Variants in PHC2 observed in about 807,000 individuals in gnomAD.
The protein encoded by PHC2 is polyhomeotic homolog 2, also known as polyhomeotic-like protein 2.
A neutral mutation model predicts 87.4 loss-of-function variants in PHC2; 29 were observed. The ratio of observed to expected loss-of-function variants is 0.33; its 90% confidence interval spans 0.25 to 0.45. The LOEUF (loss-of-function observed/expected upper bound fraction) is 0.45, where lower values mean the gene tolerates loss of function less well. PHC2 is among the 20% of genes least tolerant of loss of function. PHC2 has a pLI of 1.00. For synonymous variants in PHC2, 438 were observed against 461.7 expected (o/e 0.95, Z 0.66); for missense variants, 857 against 1,136.7 (o/e 0.75, Z 3.54).
chr1:33,392,519 T>A (rs1172461062), intron 1 of PHC2, among the ~76,000 whole-genome samples: 1 of 152,202 alleles, frequency 6.6e-6, no homozygotes. Context: ...AAATACTACC[T>A]CTTGCTTCTA....
At chr1:33,371,617 C>T (rs986520354) in intron 3 of PHC2, among the ~76,000 whole-genome samples, 1 of 152,250 alleles carries the variant, frequency 6.6e-6, no homozygotes, top group Non-Finnish European at 1.5e-5. Context: ...GCCGGCTTCT[C>T]ATCCTTCAAG....
Position 33,368,717 on chromosome 1 carries a change from T to G in PHC2, c.577-95A>C. On this transcript the variant is annotated intron_variant, in intron 5 of 14. Coordinates refer to ENST00000683057, the MANE Select transcript of PHC2 (RefSeq NM_001385109.1). The surrounding 1 kb of genome is among the most constrained non-coding windows in gnomAD (Gnocchi z 6.6). ...GAATCACAGGAAACGAGGCGCCTTT[T>G]ACCTGCTCGATGTGGACTCAGCCAC... 1.2e-6 allele frequency: 1 copy of G among 865,022 alleles called. No individual in the cohort carries two copies. Among genetic ancestry groups the G allele is most frequent in the Non-Finnish European group, 1.9e-6 (1 of 524,628 alleles). 53.6% of individuals were successfully genotyped at this position (865,022 alleles called of 1,614,324 possible).
chr1:33,368,490 CA>C lies in PHC2; in HGVS notation c.663+45del. On this transcript the variant is annotated intron_variant, in intron 6 of 14. Transcript: ENST00000683057. The surrounding 1 kb of genome is among the most constrained non-coding windows in gnomAD (Gnocchi z 6.6). ...CCTCCCCAGTATCAGTGCCCCTCTA[CA>C]GGGGTGCCCACCCCCCTGCCCTCCC... is the stretch of plus-strand genomic sequence containing the variant. The C allele has an allele frequency of 9.5e-7, 1 of 1,048,814 alleles. No homozygotes were observed. Among genetic ancestry groups the C allele is most frequent in the Non-Finnish European group, 1.4e-6 (1 of 719,466 alleles). 65.0% of individuals were successfully genotyped at this position (1,048,814 alleles called of 1,614,324 possible). A position where few individuals can be genotyped will look rare whatever the true frequency, so the allele number is the denominator to read the frequency against.
At chr1:33,411,321 T>C (rs796290075) in intron 1 of PHC2, among the ~76,000 whole-genome samples, 12 of 152,298 alleles carry the variant, frequency 7.9e-5, no homozygotes, top group African/African-American at 2.9e-4. Flanking sequence ...CTGTTGATTA[T>C]TATATCATTA....
chr1:33,334,058 A>G lies in PHC2; in HGVS notation c.1761+32T>C. The G allele has an allele frequency of 8.8e-7, 1 of 1,140,398 alleles. No individual in the cohort carries two copies. Among genetic ancestry groups the G allele is most frequent in the Non-Finnish European group, 1.2e-6 (1 of 816,684 alleles). The allele number at this position is 1,140,398 out of a possible 1,614,324, so 70.6% of individuals were successfully genotyped here. A position where few individuals can be genotyped will look rare whatever the true frequency, so the allele number is the denominator to read the frequency against. ...TCTAAGACACATCCAAAATATACTT[A>G]AAAAAAAAAGGGGAAAAGAAGTAGT... On this transcript the variant is annotated intron_variant, in intron 10 of 14. Transcript: ENST00000683057. This position sits in a 1 kb window ranked among gnomAD's most constrained non-coding sequence, Gnocchi z 5.5.
Position 33,379,924 on chromosome 1 carries a change from C to G in PHC2, c.-54-4331G>C, listed in dbSNP as rs1014282293. Among the ~76,000 whole-genome samples the G allele has an allele frequency of 2.6e-5, 4 of 152,160 alleles. No homozygotes were observed. In the South Asian group the frequency reaches 8.3e-4, roughly 32 times the overall value. On this transcript the variant is annotated intron_variant, in intron 1 of 14. Coordinates refer to ENST00000683057, the MANE Select transcript of PHC2 (RefSeq NM_001385109.1). ...CACCCTTGCTGCACATGCTCCAGCT[C>G]TCTCTCCTGTCGCTTGTAGTCTCCC...
intron 1 of PHC2, among the ~76,000 whole-genome samples, chr1:33,412,927 G>A (rs542869217): frequency 6.6e-6 from 1 of 151,806 alleles, no homozygotes; most frequent in Admixed American, 6.6e-5. Flanking sequence ...TTATCATCAG[G>A]GACCTTACAT....
At chr1:33,343,267 C>T (rs1318681987) in intron 9 of PHC2, among the ~76,000 whole-genome samples, 1 of 151,682 alleles carries the variant, frequency 6.6e-6, no homozygotes, top group Non-Finnish European at 1.5e-5. Flanking sequence ...TTGAGACCAT[C>T]CTGGTCAACA....
chr1:33,364,009 C>T lies in PHC2; in HGVS notation c.976+3107G>A. 2.0e-6 allele frequency: 1 copy of T among 492,022 alleles called. No homozygotes were observed. Among genetic ancestry groups the T allele is most frequent in the South Asian group, 8.6e-5 (1 of 11,630 alleles). 30.5% of individuals were successfully genotyped at this position (492,022 alleles called of 1,614,324 possible). On this transcript the variant is annotated intron_variant, in intron 7 of 14. Transcript: ENST00000683057. The surrounding 1 kb of genome is among the most constrained non-coding windows in gnomAD (Gnocchi z 4.1). ...GCCCCTTACTCCCCTCCCCCACCTG[C>T]TCCCCCACCCCTATTCTCGGCATAA...
chr1:33,333,802 C>A, intron 10 of PHC2: 1 of 372,548 alleles, frequency 2.7e-6, no homozygotes. Context: ...CAGTGAACTC[C>A]CTTTTAACCA....
At chr1:33,345,779 C>A in intron 9 of PHC2, 4 of 985,308 alleles carry the variant, frequency 4.1e-6, no homozygotes, top group Non-Finnish European at 4.8e-6. Context: ...ATTTTCCTAA[C>A]AATTCCCAAA....
intron 1 of PHC2, among the ~76,000 whole-genome samples, chr1:33,425,363 C>T (rs920040101): frequency 4.6e-5 from 7 of 152,128 alleles, no homozygotes; most frequent in Non-Finnish European, 1.0e-4. Flanking sequence ...TGCAATATAC[C>T]TACGTTTTAT....
At chr1:33,407,834 A>G (rs1369403624) in intron 1 of PHC2, among the ~76,000 whole-genome samples, 1 of 152,250 alleles carries the variant, frequency 6.6e-6, no homozygotes, top group African/African-American at 2.4e-5. Context: ...AAAATGGTAC[A>G]ATCAATGTGT....
At chr1:33,414,147 T>G (rs1336015890) in intron 1 of PHC2, among the ~76,000 whole-genome samples, 1 of 151,014 alleles carries the variant, frequency 6.6e-6, no homozygotes, top group African/African-American at 2.4e-5. Flanking sequence ...TGCCCATGCA[T>G]CATGTTTACA....
chr1:33,385,799 A>T (rs11581274), intron 1 of PHC2, among the ~76,000 whole-genome samples: 60,615 of 148,050 alleles, frequency 0.41, 12,386 homozygotes, highest in South Asian at 0.53. Context: ...CAGAATAAAA[A>T]TTTTTTTTTT....
chr1:33,349,730 C>A lies in PHC2; in HGVS notation c.1558+4671G>T. On this transcript the variant is annotated intron_variant, in intron 9 of 14. Coordinates refer to ENST00000683057, the MANE Select transcript of PHC2 (RefSeq NM_001385109.1). The surrounding 1 kb of genome is among the most constrained non-coding windows in gnomAD (Gnocchi z 4.2). ...GGAGCCTCCGAGCCGGGGCCCGGGG[C>A]TGCCGCGGCGCATCCGACCGCACCG... 2 of 995,500 alleles carry A rather than the reference C, an allele frequency of 2.0e-6. No homozygotes were observed. The highest frequency in any genetic ancestry group is 2.4e-6 in the Non-Finnish European group (2 of 835,358). 61.7% of individuals were successfully genotyped at this position (995,500 alleles called of 1,614,324 possible).
At chr1:33,427,122 C>T (rs1650704898) in intron 1 of PHC2, among the ~76,000 whole-genome samples, 1 of 152,194 alleles carries the variant, frequency 6.6e-6, no homozygotes. Flanking sequence ...GCTATGTGAC[C>T]TCTGGCAATT....
intron 2 of PHC2, 151 bp from the exon 3 acceptor site, chr1:33,372,598 C>G: frequency 2.0e-6 from 1 of 505,666 alleles, no homozygotes; most frequent in Non-Finnish European, 3.1e-6. Flanking sequence ...TGGCCACTCT[C>G]TAGGGCAGTG....
At chr1:33,410,860 C>T (rs1363962632) in intron 1 of PHC2, among the ~76,000 whole-genome samples, 2 of 152,038 alleles carry the variant, frequency 1.3e-5, no homozygotes, top group African/African-American at 2.4e-5. Flanking sequence ...CAGTAACAAA[C>T]AACAAAAACC....
Sources: gnomAD v4.1 joint callset for allele counts (sites outside exome capture counted in the v4.1 genomes callset) on GRCh38, gnomAD v4.1.1 for gene constraint, Gnocchi (gnomAD v3.1) non-coding constraint, MANE v1.5 for transcripts, NCBI Gene and HGNC (gene_info 2026-07-23, HGNC 2026-07-21) for gene names.